The following EPB41 variants were observed in gnomAD, a reference collection of about 807,000 sequenced individuals.
EPB41 encodes the protein erythrocyte membrane protein band 4.1.
EPB41 carries 65 observed loss-of-function variants against 108.0 expected under a neutral mutation model. The observed-to-expected ratio is 0.60, with a 90% CI of 0.49 to 0.74. The LOEUF is 0.74. Among genes scored for constraint, EPB41 ranks in the 30% least tolerant of loss-of-function variants. The pLI is 0.00. For synonymous variants in EPB41, 336 were observed against 358.9 expected (o/e 0.94, Z 0.72); for missense variants, 875 against 1,037.0 (o/e 0.84, Z 2.15).
chr1:28,990,513 C>T (rs1261403016), intron 2 of EPB41, among the ~76,000 whole-genome samples: 2 of 151,674 alleles, frequency 1.3e-5, no homozygotes, highest in Non-Finnish European at 1.5e-5. Context: ...CTCAACCTCC[C>T]GGGCTCAAGC....
chr1:29,013,471 T>G (rs536325163), intron 5 of EPB41, among the ~76,000 whole-genome samples: 3 of 152,286 alleles, frequency 2.0e-5, no homozygotes, highest in Admixed American at 2.0e-4. Context: ...AAGAGAAGAA[T>G]GACATTTATT....
chr1:28,910,331 CTG>C (rs562085169), upstream of EPB41, among the ~76,000 whole-genome samples: 351 of 152,288 alleles, frequency 2.3e-3, no homozygotes, highest in African/African-American at 7.9e-3. Context: ...TCTAAAATAA[CTG>C]TGATTTTTTA....
intron 5 of EPB41, among the ~76,000 whole-genome samples, chr1:29,013,817 C>T (rs1299085505): frequency 1.4e-5 from 2 of 147,748 alleles, no homozygotes; most frequent in Admixed American, 6.8e-5. Context: ...GCGTGAGCCA[C>T]GGCGCCCAGC....
At chr1:28,927,836 A>G (rs564022949) in intron 1 of EPB41, among the ~76,000 whole-genome samples, 11 of 152,146 alleles carry the variant, frequency 7.2e-5, no homozygotes, top group Non-Finnish European at 1.5e-4. Flanking sequence ...ACTGCTTTCT[A>G]TCTCAATAAA....
intron 16 of EPB41, among the ~76,000 whole-genome samples, chr1:29,086,967 CAG>C (rs1193670215): frequency 1.1e-5 from 1 of 92,134 alleles, no homozygotes; most frequent in Non-Finnish European, 2.0e-5. Flanking sequence ...TTTTTTGAGA[CAG>C]AGTCTTGCTC....
intron 6 of EPB41, among the ~76,000 whole-genome samples, chr1:29,016,745 C>CT (rs1363546736): frequency 1.3e-5 from 2 of 151,992 alleles, no homozygotes; most frequent in African/African-American, 4.8e-5. Context: ...ATAAGTACTA[C>CT]TGTGCATATT....
At chr1:29,070,631 C>T (rs1650892051) in intron 16 of EPB41, 5 of 1,232,044 alleles carry the variant, frequency 4.1e-6, no homozygotes, top group Admixed American at 8.4e-5. Flanking sequence ...AAACAGGGTG[C>T]TCATCTGAAA....
rs529925477 is a variant in EPB41 at position 29,019,371 on chromosome 1, T to C, written c.1124+929T>C. 1.3e-5 allele frequency among the ~76,000 whole-genome samples: 2 copies of C among 152,322 alleles called. 1 individual carries two copies. The highest frequency in any genetic ancestry group is 4.1e-4 in the South Asian group (2 of 4,830). On this transcript the variant is annotated intron_variant, in intron 7 of 20. Transcript: ENST00000343067. ...CTGAGATCACACCATTGAAAGGTGA[T>C]GTGTGTAAAATACTGAATACAATGT...
chr1:28,903,322 C>CTT (rs1469847584), intron 1 of EPB41, among the ~76,000 whole-genome samples: 3,306 of 144,110 alleles, frequency 0.023, 142 homozygotes, highest in African/African-American at 0.073. Flanking sequence ...TTTTTCTTTT[C>CTT]TTTCTTTTTT....
intron 1 of EPB41, among the ~76,000 whole-genome samples, chr1:28,926,789 T>C (rs2093471958): frequency 6.6e-6 from 1 of 152,242 alleles, no homozygotes; most frequent in Non-Finnish European, 1.5e-5. Flanking sequence ...GCAATGAGAA[T>C]AATTTTTACC....
chr1:28,923,572 C>T (rs929839981), intron 1 of EPB41, among the ~76,000 whole-genome samples: 1 of 152,136 alleles, frequency 6.6e-6, no homozygotes, highest in Non-Finnish European at 1.5e-5. Context: ...ATCTACTTAG[C>T]AAGATTTACC....
intron 7 of EPB41, among the ~76,000 whole-genome samples, chr1:29,028,344 AT>A (rs1325863445): frequency 6.6e-6 from 1 of 152,128 alleles, no homozygotes; most frequent in Non-Finnish European, 1.5e-5. Flanking sequence ...TAATTTTATG[AT>A]TTGTGTGTAG....
intron 17 of EPB41, among the ~76,000 whole-genome samples, chr1:29,101,129 C>T (rs1441734697): frequency 6.6e-6 from 1 of 151,836 alleles, no homozygotes; most frequent in Non-Finnish European, 1.5e-5. Context: ...GTGGCTGAGG[C>T]AGGAGAATCG....
chr1:28,934,667 TGTGTGTGTG>T lies in EPB41; in HGVS notation c.-8+19900_-8+19908del, dbSNP rs1200704715. ...GGTTGGCCTCTGGTTCTTTTGACAT[TGTGTGTGTG>T]TGTGTGTGTGTGTGTGTGTGTGTGT... is the stretch of plus-strand genomic sequence containing the variant. On this transcript the variant is annotated intron_variant, in intron 1 of 20. Coordinates refer to ENST00000343067, the MANE Select transcript of EPB41 (RefSeq NM_001376013.1). Among the ~76,000 whole-genome samples, 5 of 1,252 alleles carry T rather than the reference TGTGTGTGTG, an allele frequency of 4.0e-3. No individual in the cohort carries two copies. In the East Asian group the frequency reaches 0.042, roughly 10 times the overall value. The allele number at this position is 1,252 out of a possible 152,430, so 0.8% of individuals were successfully genotyped here.
At chr1:29,107,958 G>C (rs1285890612) in intron 17 of EPB41, among the ~76,000 whole-genome samples, 2 of 149,730 alleles carry the variant, frequency 1.3e-5, no homozygotes, top group Non-Finnish European at 3.0e-5. Flanking sequence ...AAACCCAGGA[G>C]GTGGAGGTTT....
intron 1 of EPB41, among the ~76,000 whole-genome samples, chr1:28,892,362 C>T (rs1473645737): frequency 2.0e-5 from 3 of 152,170 alleles, no homozygotes; most frequent in Non-Finnish European, 4.4e-5. Flanking sequence ...TTAATCCTCA[C>T]ATCAACCCTG....
chr1:29,092,634 A>G (rs1357399813), intron 16 of EPB41, among the ~76,000 whole-genome samples: 1 of 152,052 alleles, frequency 6.6e-6, no homozygotes, highest in East Asian at 1.9e-4. Context: ...TGTTTTACAG[A>G]TTATTTTGTC....
At chr1:28,995,021 A>T (rs1417804453) in intron 3 of EPB41, among the ~76,000 whole-genome samples, 1 of 146,024 alleles carries the variant, frequency 6.8e-6, no homozygotes, top group Non-Finnish European at 1.5e-5. Context: ...AATCATCTAA[A>T]ATATTATGCT....
intron 1 of EPB41, among the ~76,000 whole-genome samples, chr1:28,968,717 G>A (rs754482153): frequency 2.0e-5 from 3 of 151,864 alleles, no homozygotes; most frequent in Non-Finnish European, 4.4e-5. Flanking sequence ...TAATCCCAGC[G>A]CTTTGGGAGG....
Sources: gnomAD v4.1 joint callset for allele counts (sites outside exome capture counted in the v4.1 genomes callset) on GRCh38, gnomAD v4.1.1 for gene constraint, MANE v1.5 for transcripts, NCBI Gene and HGNC (gene_info 2026-07-23, HGNC 2026-07-21) for gene names.